ATAD5: variants seen among roughly 807,000 people sequenced by gnomAD.
The protein encoded by ATAD5 is ATPase family AAA domain containing 5, also known as ATPase family AAA domain-containing protein 5.
ATAD5 carries 58 observed loss-of-function variants against 176.9 expected under a neutral mutation model. The ratio of observed to expected loss-of-function variants is 0.33; its 90% CI spans 0.27 to 0.41. ATAD5 has a LOEUF of 0.41. Ranked by LOEUF, ATAD5 falls within the 10% of genes least tolerant of loss-of-function variation. The probability of loss-of-function intolerance (pLI) is 1.00; values close to 1 mark genes in which losing one functional copy is unlikely to be tolerated. For missense variants in ATAD5, 1,789 were observed against 2,094.1 expected, an observed-to-expected ratio of 0.85 and a Z score of 2.84; for synonymous variants, 640 against 712.6, an observed-to-expected ratio of 0.90 and a Z score of 1.62.
At position 30,834,514 on chromosome 17, in the gene ATAD5, T is replaced by C; in HGVS notation, c.433T>C (p.Tyr145His). ...EISSDDSKED[Y>H]SLNNDFVESS... The stretch of plus-strand genomic sequence containing the variant: ...TAGTAGCGACGATAGCAAAGAAGAC[T>C]ATAGTTTAAATAATGATTTTGTGGA... The change falls in exon 2 of 23, where the codon TAT becomes CAT. Residue 145 changes from tyrosine (Y) to histidine (H), a missense_variant. This residue lies in a region of ATAD5 where 696 missense variants were observed against 712.5 expected (regional missense o/e 0.98). Transcript: ENST00000321990. 3.8e-6 allele frequency: 6 copies of C among 1,588,760 alleles called. No individual in the cohort carries two copies. The highest frequency in any genetic ancestry group is 5.1e-6 in the Non-Finnish European group (6 of 1,172,816).
chr17:30,839,871 C>T (rs1294343823), intron 3 of ATAD5, among the ~76,000 whole-genome samples: 4 of 151,932 alleles, frequency 2.6e-5, no homozygotes, highest in African/African-American at 7.2e-5. Flanking sequence ...AGGCATGAGC[C>T]ACTGTGTCCA....
Position 30,866,048 on chromosome 17 carries a change from T to C in ATAD5, c.3233+248T>C, listed in dbSNP as rs545817161. 3.9e-5 allele frequency among the ~76,000 whole-genome samples: 6 copies of C among 152,210 alleles called. No individual in the cohort carries two copies. In the South Asian group the frequency reaches 1.2e-3, roughly 32 times the overall value. On this transcript the variant is annotated intron_variant, in intron 11 of 22. Coordinates refer to ENST00000321990, the MANE Select transcript of ATAD5 (RefSeq NM_024857.5). ...TGTTAGTTCCTTCCTTTCTAACAAA[T>C]GGGATCACATTACTACTAATTCAGG...
intron 3 of ATAD5, 34 bp from the exon 4 acceptor site, chr17:30,840,583 G>C: frequency 7.6e-7 from 1 of 1,322,294 alleles, no homozygotes; most frequent in Non-Finnish European, 1.0e-6. Context: ...ATATTTTCTT[G>C]TGATGTAAAT....
At chr17:30,849,038 T>C (rs145381707) in intron 6 of ATAD5, among the ~76,000 whole-genome samples, 117 of 152,222 alleles carry the variant, frequency 7.7e-4, no homozygotes, top group Non-Finnish European at 1.4e-3. Context: ...GCTCGGCTAA[T>C]TTTTGTATTT....
Position 30,835,597 on chromosome 17 carries a change from A to T in ATAD5, c.1516A>T (p.Thr506Ser). 1 of 1,611,730 alleles carries T rather than the reference A, an allele frequency of 6.2e-7. No individual in the cohort carries two copies. Among genetic ancestry groups the T allele is most frequent in the East Asian group, 2.2e-5 (1 of 44,836 alleles). Residue 506 changes from threonine (T) to serine (S), a missense_variant, in exon 2 of 23, where the codon ACC becomes TCC. This residue lies in a region of ATAD5 where 696 missense variants were observed against 712.5 expected (regional missense o/e 0.98). Transcript: ENST00000321990. ...REGNTQKKET[T>S]FFLKEKQYQN... ...GGGAAACACTCAAAAGAAAGAAACA[A>T]CCTTTTTCTTAAAAGAGAAACAATA...
chr17:30,866,931 C>G (rs1226107599), intron 11 of ATAD5, among the ~76,000 whole-genome samples: 1 of 152,244 alleles, frequency 6.6e-6, no homozygotes, highest in South Asian at 2.1e-4. Context: ...TTTTAAGTAT[C>G]TGAAAAATTA....
intron 10 of ATAD5, chr17:30,865,081 T>C (rs1441626964): frequency 6.6e-6 from 1 of 151,970 alleles, no homozygotes; most frequent in East Asian, 1.9e-4. Context: ...TAGAACAGTT[T>C]ATTTTCCTTT....
At position 30,894,729 on chromosome 17, in the gene ATAD5, G is replaced by A; in HGVS notation, c.5456+7G>A. The stretch of plus-strand genomic sequence containing the variant: ...AAGGAAAAAGTAAAAGAAGGTAAAG[G>A]CTTTATTAAAAACAACATTTTAGAT... On this transcript the variant is annotated splice_region_variant and intron_variant, in intron 22 of 22. Coordinates refer to ENST00000321990, the MANE Select transcript of ATAD5 (RefSeq NM_024857.5). 1.3e-6 allele frequency: 2 copies of A among 1,591,932 alleles called. No homozygotes were observed. Among genetic ancestry groups the A allele is most frequent in the South Asian group, 1.2e-5 (1 of 86,560 alleles).
intron 2 of ATAD5, among the ~76,000 whole-genome samples, chr17:30,836,378 C>T (rs987305089): frequency 2.6e-5 from 4 of 151,860 alleles, no homozygotes; most frequent in African/African-American, 9.7e-5. Flanking sequence ...GGGGTTTCAC[C>T]GTGTTGGTCA....
At chr17:30,875,690 G>A (rs763099424) in intron 14 of ATAD5, among the ~76,000 whole-genome samples, 2 of 151,770 alleles carry the variant, frequency 1.3e-5, no homozygotes, top group African/African-American at 2.4e-5. Flanking sequence ...CCAGCTACTT[G>A]GGGGGCTGGG....
At position 30,838,813 on chromosome 17, in the gene ATAD5, T is replaced by C. The variant is rs533419357; in HGVS notation, c.2076+1499T>C. Among the ~76,000 whole-genome samples the C allele has an allele frequency of 2.6e-5, 4 of 152,336 alleles. No homozygotes were observed. In the South Asian group the frequency reaches 8.3e-4, roughly 32 times the overall value. On this transcript the variant is annotated intron_variant, in intron 3 of 22. Coordinates refer to ENST00000321990, the MANE Select transcript of ATAD5 (RefSeq NM_024857.5). ...GTCTCAAAATTAAATGTATCCAAAT[T>C]GGGACCTTTATCCAAACTTACTTAG... is the stretch of plus-strand genomic sequence containing the variant.
At chr17:30,888,827 G>A (rs1909465678) in intron 19 of ATAD5, among the ~76,000 whole-genome samples, 1 of 151,958 alleles carries the variant, frequency 6.6e-6, no homozygotes, top group Non-Finnish European at 1.5e-5. Flanking sequence ...CAGCACTTTG[G>A]AAGGCCGAGG....
chr17:30,857,061 T>A lies in ATAD5; in HGVS notation c.2742T>A (p.Gly914=). 6.2e-7 allele frequency: 1 copy of A among 1,611,038 alleles called. No homozygotes were observed. The change falls in exon 8 of 23, where the codon GGT becomes GGA. Residue 914 remains glycine, a synonymous_variant. Coordinates refer to ENST00000321990, the MANE Select transcript of ATAD5 (RefSeq NM_024857.5). ...TCTCAAAATGTGGTATTGCTCTTGG[T>A]GAATTTTCAACATTGAATTCAAAGT... ...IDLSKCGIAL[G]EFSTLNSKLK...
chr17:30,833,550 T>A (rs1272931347), intron 1 of ATAD5, among the ~76,000 whole-genome samples: 1 of 152,240 alleles, frequency 6.6e-6, no homozygotes, highest in Non-Finnish European at 1.5e-5. Context: ...TTGCTTAACG[T>A]TTTACACCAG....
chr17:30,849,252 T>C (rs1044516467), intron 6 of ATAD5, among the ~76,000 whole-genome samples: 1 of 152,118 alleles, frequency 6.6e-6, no homozygotes, highest in African/African-American at 2.4e-5. Context: ...ATCTGGATTG[T>C]TTCCTTTTGT....
chr17:30,860,697 T>G (rs1196918694), intron 10 of ATAD5, 85 bp downstream of exon 10: 1 of 1,141,916 alleles, frequency 8.8e-7, no homozygotes, highest in Non-Finnish European at 1.2e-6. Flanking sequence ...GATTTTGATA[T>G]GCTTTTTAAA....
intron 4 of ATAD5, among the ~76,000 whole-genome samples, chr17:30,843,256 G>T (rs1446915777): frequency 6.6e-6 from 1 of 151,964 alleles, no homozygotes; most frequent in Non-Finnish European, 1.5e-5. Context: ...GGCAGCTGAG[G>T]TGGGAGGATG....
rs539786631 is a variant in ATAD5 at position 30,875,024 on chromosome 17, T to A, written c.3608-1350T>A. On this transcript the variant is annotated intron_variant, in intron 14 of 22. Transcript: ENST00000321990. ...ATGGTCATGTCTGTGACAGCTTTTTTAACCTCGAGATTTTCAGTAAGCTTA... is the reference window on the plus strand; with the variant it reads ...ATGGTCATGTCTGTGACAGCTTTTTAAACCTCGAGATTTTCAGTAAGCTTA... Among the ~76,000 whole-genome samples, 16 of 152,234 alleles carry A rather than the reference T, an allele frequency of 1.1e-4. 1 individual carries two copies. The highest frequency in any genetic ancestry group is 3.4e-3 in the Middle Eastern group (1 of 294).
intron 14 of ATAD5, among the ~76,000 whole-genome samples, chr17:30,870,914 G>C (rs1300597505): frequency 6.6e-6 from 1 of 151,862 alleles, no homozygotes; most frequent in Non-Finnish European, 1.5e-5. Flanking sequence ...GATTTGTTGA[G>C]TTTCTTGCAT....
Sources: allele counts gnomAD v4.1 joint callset (sites outside exome capture counted in the v4.1 genomes callset), GRCh38; gene constraint gnomAD v4.1.1; regional missense constraint gnomAD v4.1.1; transcripts MANE v1.5; gene names NCBI Gene and HGNC (gene_info 2026-07-23, HGNC 2026-07-21).